Variants in GPC6 observed in about 807,000 individuals in gnomAD.
GPC6 encodes glypican-6.
A neutral mutation model predicts 55.2 loss-of-function variants in GPC6; 14 were observed. The observed-to-expected ratio is 0.25, with a 90% CI of 0.17 to 0.40. The LOEUF (loss-of-function observed/expected upper bound fraction) is 0.40. GPC6 is among the 10% of genes least tolerant of loss of function. The pLI is 1.00. For missense variants in GPC6, 641 were observed against 708.5 expected, an observed-to-expected ratio of 0.90 and a Z score of 1.08; for synonymous variants, 278 against 259.6, an observed-to-expected ratio of 1.07 and a Z score of -0.68.
intron 2 of GPC6, among the ~76,000 whole-genome samples, chr13:93,829,755 A>G (rs1445494033): frequency 6.6e-6 from 1 of 152,232 alleles, no homozygotes; most frequent in Non-Finnish European, 1.5e-5. Flanking sequence ...GGACAAATTT[A>G]TAAATAAACT....
chr13:94,145,504 T>A (rs1887530694), intron 4 of GPC6, among the ~76,000 whole-genome samples: 1 of 152,020 alleles, frequency 6.6e-6, no homozygotes, highest in African/African-American at 2.4e-5. Flanking sequence ...AGAGATTAAC[T>A]GATTTGCTTA....
In GPC6 at chr13:93,767,994, A is replaced by T. The variant is rs1216893022; in HGVS notation, c.320-62160A>T. Among the ~76,000 whole-genome samples, 3 of 152,204 alleles carry T rather than the reference A, an allele frequency of 2.0e-5. No homozygotes were observed. In the East Asian group the frequency reaches 5.8e-4, roughly 29 times the overall value. On this transcript the variant is annotated intron_variant, in intron 2 of 8. Transcript: ENST00000377047. Reference sequence around the variant, plus strand: ...CACTATGGAAATAAGCACTAAAAAAAAACCTAAGGGTGATTAGAGCCCTTA... The same window carrying T: ...CACTATGGAAATAAGCACTAAAAAATAACCTAAGGGTGATTAGAGCCCTTA...
intron 3 of GPC6, among the ~76,000 whole-genome samples, chr13:93,947,349 A>G (rs1879055341): frequency 6.6e-6 from 1 of 152,226 alleles, no homozygotes; most frequent in Admixed American, 6.5e-5. Context: ...AAAATGTGAT[A>G]AACTGAAGTA....
intron 2 of GPC6, among the ~76,000 whole-genome samples, chr13:93,736,889 T>C (rs907420999): frequency 6.6e-6 from 1 of 152,186 alleles, no homozygotes; most frequent in East Asian, 1.9e-4. Flanking sequence ...TCCAATAGCA[T>C]GAGAAATGCC....
At chr13:94,331,348 T>TA (rs1204936875) in intron 6 of GPC6, among the ~76,000 whole-genome samples, 1 of 152,148 alleles carries the variant, frequency 6.6e-6, no homozygotes, top group African/African-American at 2.4e-5. Flanking sequence ...TAATACTACC[T>TA]ATCCTTTCAG....
chr13:94,350,451 A>C (rs1391863992), intron 6 of GPC6, among the ~76,000 whole-genome samples: 1 of 152,132 alleles, frequency 6.6e-6, no homozygotes, highest in Non-Finnish European at 1.5e-5. Flanking sequence ...TAGTCATAGG[A>C]ATATACAAAG....
chr13:93,650,869 A>ATTT (rs34513238), intron 2 of GPC6, among the ~76,000 whole-genome samples: 34 of 150,588 alleles, frequency 2.3e-4, no homozygotes, highest in Admixed American at 2.7e-4. Context: ...TCAAAATCAC[A>ATTT]TTTTTTTTTT....
intron 1 of GPC6, among the ~76,000 whole-genome samples, chr13:93,257,613 T>C (rs1295131989): frequency 6.6e-6 from 1 of 152,170 alleles, no homozygotes; most frequent in African/African-American, 2.4e-5. Context: ...TCTTGTAGTA[T>C]CTCGCATAAT....
chr13:93,830,814 AC>A (rs1477164551), intron 3 of GPC6: 2 of 401,904 alleles, frequency 5.0e-6, no homozygotes, highest in Admixed American at 4.1e-5. Context: ...AGCTTTTAGT[AC>A]CAATGGTGCA....
intron 1 of GPC6, among the ~76,000 whole-genome samples, chr13:93,258,346 T>C (rs960170170): frequency 9.2e-5 from 14 of 152,166 alleles, no homozygotes; most frequent in African/African-American, 3.1e-4. Flanking sequence ...CATGGAGGTT[T>C]CAGCATTGTC....
chr13:93,929,907 T>TAACAGAAAAGTAAAGAAAG (rs1878068911), intron 3 of GPC6, among the ~76,000 whole-genome samples: 2 of 151,462 alleles, frequency 1.3e-5, no homozygotes, highest in Non-Finnish European at 2.9e-5. Flanking sequence ...AGTAAAGAAA[T>TAACAGAAAAGTAAAGAAAG]AAAAGAAAAT....
chr13:94,330,708 G>A (rs1057295216), intron 6 of GPC6, among the ~76,000 whole-genome samples: 11 of 152,122 alleles, frequency 7.2e-5, no homozygotes, highest in Non-Finnish European at 1.0e-4. Flanking sequence ...TCTGTTAAAG[G>A]TGGATGATAA....
At chr13:94,001,073 C>A (rs567599849) in intron 3 of GPC6, among the ~76,000 whole-genome samples, 1 of 152,154 alleles carries the variant, frequency 6.6e-6, no homozygotes, top group South Asian at 2.1e-4. Context: ...GCTTAAAAGA[C>A]AAAATAGAGT....
intron 2 of GPC6, among the ~76,000 whole-genome samples, chr13:93,764,548 A>G (rs1274211305): frequency 3.3e-5 from 5 of 150,278 alleles, no homozygotes; most frequent in Admixed American, 2.0e-4. Flanking sequence ...TTTAAAGAAT[A>G]TGAAAGTTAT....
chr13:93,726,642 G>C (rs939023075), intron 2 of GPC6, among the ~76,000 whole-genome samples: 15 of 151,954 alleles, frequency 9.9e-5, no homozygotes, highest in Admixed American at 9.9e-4. Flanking sequence ...AGTGTCCTCT[G>C]TCCTCCCACC....
At chr13:93,455,038 C>A (rs1878391166) in intron 1 of GPC6, among the ~76,000 whole-genome samples, 1 of 152,204 alleles carries the variant, frequency 6.6e-6, no homozygotes, top group Non-Finnish European at 1.5e-5. Flanking sequence ...GGTGCTAAGC[C>A]CCTTATTGCC....
chr13:93,666,700 T>A (rs1482835365), intron 2 of GPC6, among the ~76,000 whole-genome samples: 9 of 152,170 alleles, frequency 5.9e-5, no homozygotes, highest in Non-Finnish European at 4.4e-5. Context: ...AAAACCAAAT[T>A]TGAAACTAAA....
chr13:93,776,294 G>A lies in GPC6; in HGVS notation c.320-53860G>A, dbSNP rs559350284. Reference sequence around the variant, plus strand: ...TATTCAACCCTTACTATGTGCTGGCGCAGTTCTAAACACTTTAACAACAGC... The same window carrying A: ...TATTCAACCCTTACTATGTGCTGGCACAGTTCTAAACACTTTAACAACAGC... On this transcript the variant is annotated intron_variant, in intron 2 of 8. Coordinates refer to ENST00000377047, the MANE Select transcript of GPC6 (RefSeq NM_005708.5). Among the ~76,000 whole-genome samples the A allele has an allele frequency of 8.5e-5, 13 of 152,164 alleles. No homozygotes were observed. In the East Asian group the frequency reaches 1.9e-3, roughly 23 times the overall value.
chr13:93,952,843 CATATATATACGTAT>C (rs1879316848), intron 3 of GPC6, among the ~76,000 whole-genome samples: 1 of 142,362 alleles, frequency 7.0e-6, no homozygotes, highest in East Asian at 2.1e-4. Context: ...ATATATCACA[CATATATATACGTAT>C]ATATATGTAT....
Sources: gnomAD v4.1 joint callset for allele counts (sites outside exome capture counted in the v4.1 genomes callset) on GRCh38, gnomAD v4.1.1 for gene constraint, MANE v1.5 for transcripts, NCBI Gene and HGNC (gene_info 2026-07-23, HGNC 2026-07-21) for gene names.